The following FOXJ3 variants were observed in gnomAD, a reference collection of about 807,000 sequenced individuals.
FOXJ3 encodes the protein forkhead box J3.
A neutral mutation model predicts 76.1 loss-of-function variants in FOXJ3; 22 were observed. The observed-to-expected ratio is 0.29, with a 90% CI of 0.21 to 0.41. The LOEUF is 0.41. Among genes scored for constraint, FOXJ3 ranks in the 10% least tolerant of loss-of-function variants. The pLI, the probability that FOXJ3 is intolerant of heterozygous loss-of-function variation, is 1.00. For synonymous variants in FOXJ3, 269 were observed against 261.2 expected, an observed-to-expected ratio of 1.03 and a Z score of -0.29; for missense variants, 613 against 762.1, an observed-to-expected ratio of 0.80 and a Z score of 2.30.
At chr1:42,256,769 G>A (rs1650624849) in intron 4 of FOXJ3, among the ~76,000 whole-genome samples, 1 of 152,130 alleles carries the variant, frequency 6.6e-6, no homozygotes, top group Non-Finnish European at 1.5e-5. Context: ...ACTTGTTTAA[G>A]AATTTACTAG....
chr1:42,306,303 T>C (rs949514616), intron 2 of FOXJ3, among the ~76,000 whole-genome samples: 2 of 130,108 alleles, frequency 1.5e-5, no homozygotes, highest in Non-Finnish European at 3.1e-5. Context: ...TTTTTCTTTT[T>C]TTTTTTTTTT....
chr1:42,246,765 CA>C (rs1354791528), intron 4 of FOXJ3, among the ~76,000 whole-genome samples: 2 of 152,000 alleles, frequency 1.3e-5, no homozygotes, highest in Non-Finnish European at 2.9e-5. Context: ...ACATTATTCA[CA>C]AAAGCAAAGA....
At chr1:42,195,101 CT>C in intron 7 of FOXJ3, 37 bp from the exon 8 acceptor site, 1 of 1,470,808 alleles carries the variant, frequency 6.8e-7, no homozygotes, top group Non-Finnish European at 9.2e-7. Context: ...TTCAGCCTCT[CT>C]ACTAATTACA....
rs935665192 is a variant in FOXJ3, at chr1:42,188,745, A to G, written c.1637T>C (p.Ile546Thr). The change falls in exon 11 of 13, where the codon ATT (isoleucine) becomes ACT (threonine). Residue 546 changes from isoleucine (I) to threonine (T), a missense_variant. Physicochemically the swap from Ile to Thr is moderately conservative, Grantham distance 89. Around this residue, in one of 3 missense-constraint regions of FOXJ3, gnomAD observed 526 missense variants for 601.4 expected, o/e 0.87. Transcript: ENST00000361346. Reference sequence around the variant, plus strand: ...GATAACTAACCCCATACCTGTTCCAATGTGTTGGGAAGGTTTTGTTGGATG... The same window carrying G: ...GATAACTAACCCCATACCTGTTCCAGTGTGTTGGGAAGGTTTTGTTGGATG... ...AMHPTKPSQH[I>T]GTGNLYIDSR... is the part of the protein sequence containing the mutation. The G allele has an allele frequency of 3.2e-6, 5 of 1,586,536 alleles. No homozygotes were observed. The African/African-American group carries it at 5.4e-5, about 17-fold the overall frequency.
At chr1:42,204,668 C>T (rs1186427331) in intron 6 of FOXJ3, among the ~76,000 whole-genome samples, 4 of 152,094 alleles carry the variant, frequency 2.6e-5, no homozygotes, top group African/African-American at 7.2e-5. Flanking sequence ...GGCAGAATTG[C>T]AATGGAATCC....
intron 3 of FOXJ3, among the ~76,000 whole-genome samples, chr1:42,276,374 G>C (rs1279495852): frequency 6.6e-6 from 1 of 151,960 alleles, no homozygotes; most frequent in African/African-American, 2.4e-5. Flanking sequence ...GGGGGCGGGG[G>C]AAAGGGGAAG....
intron 5 of FOXJ3, 53 bp from the exon 6 acceptor site, chr1:42,205,916 T>C (rs1646852444): frequency 1.9e-6 from 2 of 1,043,426 alleles, no homozygotes; most frequent in East Asian, 2.4e-5. Context: ...CCAGCAACTT[T>C]AACACAGTTT....
chr1:42,209,890 G>C (rs1387494632), intron 5 of FOXJ3, among the ~76,000 whole-genome samples: 1 of 152,202 alleles, frequency 6.6e-6, no homozygotes, highest in Admixed American at 6.5e-5. Flanking sequence ...GGGCAAGTGA[G>C]AAGTGTGCTA....
At chr1:42,201,594 C>CT (rs1646765922) in intron 6 of FOXJ3, among the ~76,000 whole-genome samples, 1 of 152,118 alleles carries the variant, frequency 6.6e-6, no homozygotes, top group Admixed American at 6.5e-5. Flanking sequence ...GTGATGTTAT[C>CT]TTTTTTATGT....
rs1646709677 is a variant in FOXJ3 at position 42,199,120 on chromosome 1, A to G, written c.741T>C (p.Ser247=). 3 of 1,613,486 alleles carry G rather than the reference A, an allele frequency of 1.9e-6. No homozygotes were observed. Among genetic ancestry groups the G allele is most frequent in the Non-Finnish European group, 2.5e-6 (3 of 1,179,572 alleles). Residue 247 remains serine (S), a synonymous_variant, in exon 7 of 13, where the codon AGT becomes AGC. Coordinates refer to ENST00000361346, the MANE Select transcript of FOXJ3 (RefSeq NM_014947.5). Reference sequence around the variant, plus strand: ...GACTTACCGGTGTATAACTATGCACACTTCCAACACTGTTCAAATTAACAG... The same window carrying G: ...GACTTACCGGTGTATAACTATGCACGCTTCCAACACTGTTCAAATTAACAG... ...LASVNLNSVG[S]VHSYTPVTSH... is the part of the protein sequence containing the mutation.
At chr1:42,305,864 A>G (rs1654428635) in intron 2 of FOXJ3, among the ~76,000 whole-genome samples, 1 of 152,234 alleles carries the variant, frequency 6.6e-6, no homozygotes, top group South Asian at 2.1e-4. Context: ...AAAAGAGTGT[A>G]ATTGGATTCT....
Position 42,242,964 on chromosome 1 carries a change from G to C in FOXJ3, c.445-14998C>G, listed in dbSNP as rs371174659. On this transcript the variant is annotated intron_variant, in intron 4 of 12. Coordinates refer to ENST00000361346, the MANE Select transcript of FOXJ3 (RefSeq NM_014947.5). ...CAAGAAAAAAACTAGTCTATTATAAGACAACCTTCATCAGACTAACAGTGG... is the reference window on the plus strand; with the variant it reads ...CAAGAAAAAAACTAGTCTATTATAACACAACCTTCATCAGACTAACAGTGG... Among the ~76,000 whole-genome samples, 780 of 136,968 alleles carry C rather than the reference G, an allele frequency of 5.7e-3. 9 individuals carry two copies. Among genetic ancestry groups the C allele is most frequent in the African/African-American group, 0.02 (755 of 37,768 alleles). 89.9% of individuals were successfully genotyped at this position (136,968 alleles called of 152,430 possible). A position where few individuals can be genotyped will look rare whatever the true frequency, so the allele number is the denominator to read the frequency against.
intron 2 of FOXJ3, among the ~76,000 whole-genome samples, chr1:42,285,150 A>G (rs1652971328): frequency 6.6e-6 from 1 of 152,032 alleles, no homozygotes; most frequent in Admixed American, 6.5e-5. Flanking sequence ...CATTTGCAGG[A>G]TGTGCAGGTT....
chr1:42,246,260 T>C (rs368612221), intron 4 of FOXJ3, among the ~76,000 whole-genome samples: 25 of 152,278 alleles, frequency 1.6e-4, no homozygotes, highest in African/African-American at 5.8e-4. Context: ...AAACCATTCA[T>C]CTGACAAGAG....
At chr1:42,238,204 T>G (rs957144937) in intron 4 of FOXJ3, among the ~76,000 whole-genome samples, 6 of 151,870 alleles carry the variant, frequency 4.0e-5, no homozygotes, top group Non-Finnish European at 8.8e-5. Context: ...GGTTAATTTT[T>G]CTATATTTTT....
chr1:42,230,630 GCAT>G (rs1034292816), intron 4 of FOXJ3, among the ~76,000 whole-genome samples: 1 of 152,230 alleles, frequency 6.6e-6, no homozygotes. Flanking sequence ...TCCACTAGTG[GCAT>G]CATGTTGGCG....
chr1:42,209,320 A>G (rs1056661384), intron 5 of FOXJ3, among the ~76,000 whole-genome samples: 1 of 152,242 alleles, frequency 6.6e-6, no homozygotes, highest in Non-Finnish European at 1.5e-5. Context: ...AAGATGGTAG[A>G]TTAAAGGGAT....
Position 42,311,033 on chromosome 1 carries a change from A to G in FOXJ3, c.44+17T>C. 3 of 1,553,642 alleles carry G rather than the reference A, an allele frequency of 1.9e-6. No homozygotes were observed. The highest frequency in any genetic ancestry group is 2.6e-6 in the Non-Finnish European group (3 of 1,144,526). On this transcript the variant is annotated intron_variant, in intron 2 of 12. Transcript: ENST00000361346. ...ATGTTATATGTTCTAATAAAGAAAA[A>G]AAAAAAGAGCACTCACCTTAATGAA...
chr1:42,285,787 A>G (rs1414197622), intron 2 of FOXJ3, among the ~76,000 whole-genome samples: 2 of 152,234 alleles, frequency 1.3e-5, no homozygotes, highest in African/African-American at 2.4e-5. Context: ...TTTATGATCA[A>G]TATGGACTAG....
Sources: allele counts gnomAD v4.1 joint callset (sites outside exome capture counted in the v4.1 genomes callset), GRCh38; gene constraint gnomAD v4.1.1; regional missense constraint gnomAD v4.1.1; transcripts MANE v1.5; gene names NCBI Gene and HGNC (gene_info 2026-07-23, HGNC 2026-07-21).